MORF4L1: variants seen among roughly 807,000 people sequenced by gnomAD.
The protein encoded by MORF4L1 is mortality factor 4 like 1, also known as mortality factor 4-like protein 1.
In MORF4L1, 4 loss-of-function variants were observed where a neutral mutation model predicts 52.9. That is an observed-to-expected ratio of 0.08 (90% CI 0.04 to 0.17). The LOEUF (loss-of-function observed/expected upper bound fraction) is 0.17. Ranked by LOEUF, MORF4L1 falls within the 10% of genes least tolerant of loss-of-function variation. The pLI is 1.00. For missense variants in MORF4L1, 214 were observed against 390.4 expected, an observed-to-expected ratio of 0.55 and a Z score of 3.81; for synonymous variants, 123 against 134.8, an observed-to-expected ratio of 0.91 and a Z score of 0.61.
intron 4 of MORF4L1, chr15:78,886,434 C>T (rs563462436): frequency 5.3e-6 from 3 of 570,878 alleles, no homozygotes; most frequent in African/African-American, 3.7e-5. Context: ...TTGAGCTTAT[C>T]TTAGACCTAG....
chr15:78,879,248 G>A (rs992850177), intron 2 of MORF4L1, among the ~76,000 whole-genome samples: 3 of 151,306 alleles, frequency 2.0e-5, no homozygotes, highest in East Asian at 2.0e-4. Context: ...CCCCAAGACA[G>A]TATTGCTCTG....
Position 78,881,634 on chromosome 15 carries a change from G to T in MORF4L1, c.155+1055G>T, listed in dbSNP as rs373701105. Among the ~76,000 whole-genome samples the T allele has an allele frequency of 1.1e-4, 17 of 152,208 alleles. No homozygotes were observed. The East Asian group carries it at 2.3e-3, about 21-fold the overall frequency. ...TCAGTGATGGGACTTTTCTCCTTGG[G>T]CCTCACAAATAACCCTGTCTAAAAA... On this transcript the variant is annotated intron_variant, in intron 3 of 11. Coordinates refer to ENST00000426013, the MANE Select transcript of MORF4L1 (RefSeq NM_006791.4).
intron 5 of MORF4L1, among the ~76,000 whole-genome samples, chr15:78,888,811 G>A (rs1207454036): frequency 6.6e-6 from 1 of 152,086 alleles, no homozygotes; most frequent in African/African-American, 2.4e-5. Flanking sequence ...ACTCTTTTTG[G>A]TGAGAAGATA....
At chr15:78,880,840 C>T (rs552444075) in intron 3 of MORF4L1, among the ~76,000 whole-genome samples, 2 of 147,752 alleles carry the variant, frequency 1.4e-5, no homozygotes, top group African/African-American at 2.5e-5. Context: ...ATCAATTATT[C>T]TGGTTGAATG....
chr15:78,885,381 G>A (rs937375345), intron 3 of MORF4L1, among the ~76,000 whole-genome samples: 2 of 152,174 alleles, frequency 1.3e-5, no homozygotes, highest in African/African-American at 4.8e-5. Context: ...ATTGTGTTTT[G>A]AACAAGCTCT....
chr15:78,879,388 A>C (rs959991991), intron 2 of MORF4L1, among the ~76,000 whole-genome samples: 3 of 152,044 alleles, frequency 2.0e-5, no homozygotes, highest in Admixed American at 2.0e-4. Flanking sequence ...CACCTGGCTA[A>C]TTTTTGTAGT....
Position 78,876,328 on chromosome 15 carries a change from G to A in MORF4L1, c.41-1885G>A, listed in dbSNP as rs144685178. Among the ~76,000 whole-genome samples, 14 of 151,606 alleles carry A rather than the reference G, an allele frequency of 9.2e-5. No homozygotes were observed. In the East Asian group the frequency reaches 2.5e-3, roughly 27 times the overall value. On this transcript the variant is annotated intron_variant, in intron 1 of 11. Coordinates refer to ENST00000426013, the MANE Select transcript of MORF4L1 (RefSeq NM_006791.4). ...AAGTTTTTTTTTATTTGATAATGGC[G>A]TGCAATATATGTTGTATAAGCAATT... is the stretch of plus-strand genomic sequence containing the variant.
At chr15:78,891,645 C>A in intron 7 of MORF4L1, 73 bp downstream of exon 7, 1 of 1,189,692 alleles carries the variant, frequency 8.4e-7, no homozygotes, top group South Asian at 1.4e-5. Flanking sequence ...ACCATGGGAG[C>A]TTTGATTATC....
intron 3 of MORF4L1, chr15:78,885,124 C>A: frequency 6.9e-7 from 1 of 1,445,238 alleles, no homozygotes; most frequent in Non-Finnish European, 9.7e-7. Context: ...AAATCATGTT[C>A]AGGATTGCTT....
At chr15:78,895,598 C>T (rs1333910425) in intron 11 of MORF4L1, among the ~76,000 whole-genome samples, 1 of 152,154 alleles carries the variant, frequency 6.6e-6, no homozygotes, top group Non-Finnish European at 1.5e-5. Context: ...ATAAAGATGT[C>T]CATGTTTTCA....
chr15:78,886,043 A>G (rs2056697224), intron 3 of MORF4L1, 98 bp from the exon 4 acceptor site: 4 of 842,776 alleles, frequency 4.7e-6, no homozygotes, highest in South Asian at 1.4e-5. Context: ...CAGTTCATCA[A>G]ATTACTTAAG....
At chr15:78,886,768 A>T (rs1305948046) in intron 4 of MORF4L1, among the ~76,000 whole-genome samples, 1 of 152,200 alleles carries the variant, frequency 6.6e-6, no homozygotes, top group Admixed American at 6.5e-5. Context: ...ATCCTGGCTA[A>T]CACGGTGAAA....
chr15:78,876,228 G>A (rs1567298096), intron 1 of MORF4L1, among the ~76,000 whole-genome samples: 1 of 151,646 alleles, frequency 6.6e-6, no homozygotes, highest in African/African-American at 2.4e-5. Flanking sequence ...GAGCCACCGC[G>A]CCCGGCCGAG....
intron 3 of MORF4L1, 58 bp downstream of exon 3, chr15:78,880,637 C>A (rs1004442487): frequency 2.3e-6 from 3 of 1,306,866 alleles, no homozygotes; most frequent in Non-Finnish European, 3.2e-6. Flanking sequence ...GTGTCACTGA[C>A]TGGCTTAGCA....
intron 6 of MORF4L1, 171 bp downstream of exon 6, chr15:78,891,185 C>A: frequency 2.4e-6 from 2 of 835,774 alleles, no homozygotes; most frequent in Non-Finnish European, 3.7e-6. Flanking sequence ...CCTCTTTTTG[C>A]CAAGGAGAAA....
chr15:78,884,799 C>G (rs770417817), intron 3 of MORF4L1, among the ~76,000 whole-genome samples: 27 of 152,120 alleles, frequency 1.8e-4, no homozygotes, highest in Non-Finnish European at 2.2e-4. Context: ...TTCAGTTAAT[C>G]TTTTTTCAAA....
intron 3 of MORF4L1, 27 bp downstream of exon 3, chr15:78,880,606 TTGTA>T (rs765820339): frequency 6.7e-7 from 1 of 1,501,022 alleles, no homozygotes; most frequent in Non-Finnish European, 9.1e-7. Flanking sequence ...ACAATTCTAT[TTGTA>T]ATTAACAAGA....
chr15:78,874,660 T>C (rs1436535460), intron 1 of MORF4L1, among the ~76,000 whole-genome samples: 3 of 148,180 alleles, frequency 2.0e-5, no homozygotes, highest in Non-Finnish European at 4.5e-5. Flanking sequence ...ACTCCTGGGC[T>C]TGAGCGATCC....
rs570514618 is a variant in MORF4L1, at chr15:78,881,189, C to CTTTTTTTTTTTTTTTT, written c.155+614_155+629dup. ...AATTTCTCACCCCTAAGAGTTAAGC[C>CTTTTTTTTTTTTTTTT]TTTTTTTTTTTTTTTTTTTGAGAGA... On this transcript the variant is annotated intron_variant, in intron 3 of 11. Coordinates refer to ENST00000426013, the MANE Select transcript of MORF4L1 (RefSeq NM_006791.4). Among the ~76,000 whole-genome samples, 31 of 67,180 alleles carry CTTTTTTTTTTTTTTTT rather than the reference C, an allele frequency of 4.6e-4. 4 individuals are homozygous for CTTTTTTTTTTTTTTTT. The highest frequency in any genetic ancestry group is 1.6e-3 in the African/African-American group (27 of 16,924). 44.1% of individuals were successfully genotyped at this position (67,180 alleles called of 152,430 possible).
Sources: gnomAD v4.1 joint callset for allele counts (sites outside exome capture counted in the v4.1 genomes callset) on GRCh38, gnomAD v4.1.1 for gene constraint, MANE v1.5 for transcripts, NCBI Gene and HGNC (gene_info 2026-07-23, HGNC 2026-07-21) for gene names.